The following MSRB3 variants were observed in gnomAD, a reference collection of about 807,000 sequenced individuals.
The protein encoded by MSRB3 is methionine-R-sulfoxide reductase B3.
MSRB3 carries 13 observed loss-of-function variants against 21.0 expected under a neutral mutation model. The ratio of observed to expected loss-of-function variants is 0.62; its 90% CI spans 0.40 to 0.98. The LOEUF is 0.98. Among genes scored for constraint, MSRB3 ranks in the 50% least tolerant of loss-of-function variants. The pLI is 0.00. For synonymous variants in MSRB3, 87 were observed against 88.6 expected (o/e 0.98, Z 0.10); for missense variants, 199 against 230.3 (o/e 0.86, Z 0.88).
chr12:65,445,202 C>T (rs983634307), intron 5 of MSRB3, among the ~76,000 whole-genome samples: 1 of 152,088 alleles, frequency 6.6e-6, no homozygotes, highest in Non-Finnish European at 1.5e-5. Flanking sequence ...AAACTTTGCT[C>T]TCTTGATTGC....
chr12:65,391,287 C>T (rs188894125), intron 5 of MSRB3, among the ~76,000 whole-genome samples: 4 of 152,270 alleles, frequency 2.6e-5, no homozygotes, highest in Admixed American at 2.6e-4. Flanking sequence ...TAGATTGTCT[C>T]ATAATATTTT....
chr12:65,315,438 G>A (rs888906822), intron 2 of MSRB3, among the ~76,000 whole-genome samples: 3 of 152,104 alleles, frequency 2.0e-5, no homozygotes, highest in African/African-American at 7.2e-5. Flanking sequence ...GAGAGGCCGA[G>A]GTGGGCAGAT....
intron 4 of MSRB3, among the ~76,000 whole-genome samples, chr12:65,363,954 A>G (rs1208928128): frequency 1.3e-5 from 2 of 152,196 alleles, no homozygotes; most frequent in Non-Finnish European, 2.9e-5. Flanking sequence ...TTCCTGGGCA[A>G]CAGAGTGAGA....
At chr12:65,350,505 A>C (rs1448130640) in intron 4 of MSRB3, among the ~76,000 whole-genome samples, 1 of 151,506 alleles carries the variant, frequency 6.6e-6, no homozygotes, top group African/African-American at 2.4e-5. Context: ...CAATGAAAAG[A>C]CACAGACTGG....
intron 4 of MSRB3, among the ~76,000 whole-genome samples, chr12:65,341,689 T>G (rs1876153752): frequency 6.6e-6 from 1 of 151,722 alleles, no homozygotes; most frequent in East Asian, 1.9e-4. Context: ...CTACTATATA[T>G]CCACAAAAAT....
chr12:65,317,405 T>C (rs1227643775), intron 2 of MSRB3, among the ~76,000 whole-genome samples: 1 of 152,150 alleles, frequency 6.6e-6, no homozygotes, highest in East Asian at 1.9e-4. Flanking sequence ...CATAAAATAA[T>C]GGGGTATCAA....
intron 2 of MSRB3, among the ~76,000 whole-genome samples, chr12:65,313,802 AT>A (rs535890987): frequency 3.3e-5 from 5 of 152,116 alleles, no homozygotes; most frequent in Middle Eastern, 3.4e-3. Context: ...CGAGGAGAGG[AT>A]TTTTTTTAAA....
chr12:65,426,165 A>G (rs943978780), intron 5 of MSRB3, among the ~76,000 whole-genome samples: 2 of 152,074 alleles, frequency 1.3e-5, no homozygotes, highest in African/African-American at 4.8e-5. Flanking sequence ...CCCAGCCTCT[A>G]GTGTTTTTAT....
intron 5 of MSRB3, among the ~76,000 whole-genome samples, chr12:65,438,275 C>T (rs542850957): frequency 2.0e-4 from 31 of 151,858 alleles, no homozygotes; most frequent in African/African-American, 6.3e-4. Context: ...AATTTGTTGC[C>T]TAGAAGATCA....
At chr12:65,330,579 C>T (rs181055160) in intron 4 of MSRB3, among the ~76,000 whole-genome samples, 190 of 152,138 alleles carry the variant, frequency 1.2e-3, no homozygotes, top group African/African-American at 4.3e-3. Context: ...TGGTTGGCTG[C>T]GTCTTCCTCC....
chr12:65,363,789 C>T (rs918429691), intron 4 of MSRB3, among the ~76,000 whole-genome samples: 1 of 152,038 alleles, frequency 6.6e-6, no homozygotes, highest in Non-Finnish European at 1.5e-5. Flanking sequence ...AGTTCAAGAC[C>T]AGCCTGGCCA....
At chr12:65,424,186 T>G (rs1233038930) in intron 5 of MSRB3, among the ~76,000 whole-genome samples, 3 of 152,118 alleles carry the variant, frequency 2.0e-5, no homozygotes, top group Non-Finnish European at 4.4e-5. Context: ...TACCTCCTTT[T>G]TCATTTCTGA....
At chr12:65,414,964 G>A (rs1201643741) in intron 5 of MSRB3, among the ~76,000 whole-genome samples, 2 of 152,134 alleles carry the variant, frequency 1.3e-5, no homozygotes, top group Admixed American at 6.5e-5. Context: ...GAGTTTAGAA[G>A]AGAAAATTAG....
chr12:65,463,139 T>C lies in MSRB3; in HGVS notation c.391-16T>C. 4 of 1,613,982 alleles carry C rather than the reference T, an allele frequency of 2.5e-6. No homozygotes were observed. Among genetic ancestry groups the C allele is most frequent in the African/African-American group, 1.3e-5 (1 of 75,050 alleles). ...TTGTACATGCTTTTCCCTGACGTTT[T>C]GTTCTTCTCTTTCAGTGTGGTGCTC... On this transcript the variant is annotated splice_polypyrimidine_tract_variant and intron_variant, in intron 6 of 6. Coordinates refer to ENST00000308259, the MANE Select transcript of MSRB3 (RefSeq NM_001031679.3).
At chr12:65,357,127 T>A (rs536555853) in intron 4 of MSRB3, among the ~76,000 whole-genome samples, 1 of 152,006 alleles carries the variant, frequency 6.6e-6, no homozygotes, top group African/African-American at 2.4e-5. Context: ...ATATACTAAA[T>A]GAAGGTACTA....
intron 5 of MSRB3, among the ~76,000 whole-genome samples, chr12:65,405,925 G>C (rs1029329964): frequency 6.6e-6 from 1 of 151,788 alleles, no homozygotes; most frequent in Non-Finnish European, 1.5e-5. Context: ...TTTTTAAATT[G>C]GGTTATTTAT....
intron 4 of MSRB3, among the ~76,000 whole-genome samples, chr12:65,363,618 A>G (rs905002941): frequency 6.6e-6 from 1 of 152,096 alleles, no homozygotes; most frequent in Admixed American, 6.6e-5. Flanking sequence ...AAATGTGGCA[A>G]TATTGCTATG....
chr12:65,371,328 CAAAAAA>C (rs34453745), intron 5 of MSRB3, among the ~76,000 whole-genome samples: 1 of 84,860 alleles, frequency 1.2e-5, no homozygotes, highest in South Asian at 4.7e-4. Context: ...GACTCCATCT[CAAAAAA>C]AAAAAAAAAA....
chr12:65,409,262 T>C (rs1880591806), intron 5 of MSRB3, among the ~76,000 whole-genome samples: 2 of 152,010 alleles, frequency 1.3e-5, no homozygotes, highest in South Asian at 2.1e-4. Context: ...GAGAAACACG[T>C]TGTTAGGCAA....
Sources: gnomAD v4.1 joint callset for allele counts (sites outside exome capture counted in the v4.1 genomes callset) on GRCh38, gnomAD v4.1.1 for gene constraint, MANE v1.5 for transcripts, NCBI Gene and HGNC (gene_info 2026-07-23, HGNC 2026-07-21) for gene names.